The following RPS6KC1 variants were observed in gnomAD, a reference collection of about 807,000 sequenced individuals.
RPS6KC1 encodes the protein inactive ribosomal protein S6 kinase delta-1.
Under a neutral mutation model 103.8 loss-of-function variants are expected in RPS6KC1, and 54 were observed. That is an observed-to-expected ratio of 0.52 (90% CI 0.42 to 0.65). The LOEUF is 0.65. Ranked by LOEUF, RPS6KC1 falls within the 30% of genes least tolerant of loss-of-function variation. The pLI is 0.00. For synonymous variants in RPS6KC1, 439 were observed against 438.7 expected (o/e 1.00, Z -0.01); for missense variants, 1,151 against 1,253.8 (o/e 0.92, Z 1.24).
At chr1:213,653,323 G>A in the RPS6KC1 span, among the ~76,000 whole-genome samples, 2 of 152,118 alleles carry the variant, frequency 1.3e-5, no homozygotes, top group Non-Finnish European at 1.5e-5. Flanking sequence ...GCCAGATGTG[G>A]TGGCACGCAT....
chr1:213,376,966 A>G, the RPS6KC1 span, among the ~76,000 whole-genome samples: 2 of 152,168 alleles, frequency 1.3e-5, no homozygotes, highest in South Asian at 4.1e-4. Context: ...TGGCTTCTCA[A>G]TCTGTGTAAC....
chr1:213,530,250 A>G, the RPS6KC1 span, among the ~76,000 whole-genome samples: 97,389 of 151,958 alleles, frequency 0.64, 33,546 homozygotes, highest in East Asian at 0.98. Flanking sequence ...TAGGAAGCAG[A>G]CAGGATTTTG....
intron 4 of RPS6KC1, among the ~76,000 whole-genome samples, chr1:213,107,476 C>A (rs1460450143): frequency 6.6e-6 from 1 of 152,130 alleles, no homozygotes; most frequent in African/African-American, 2.4e-5. Context: ...TGTTATGTAT[C>A]AGCATTTTGT....
At chr1:213,812,530 T>C in the RPS6KC1 span, among the ~76,000 whole-genome samples, 1 of 152,246 alleles carries the variant, frequency 6.6e-6, no homozygotes, top group Non-Finnish European at 1.5e-5. Flanking sequence ...ATTTTTTTTC[T>C]TCATGTGGAA....
At chr1:213,626,194 T>G in the RPS6KC1 span, among the ~76,000 whole-genome samples, 1 of 152,244 alleles carries the variant, frequency 6.6e-6, no homozygotes. Context: ...TGAAGAGCAT[T>G]TTTTCATGTG....
chr1:213,464,790 TA>T, the RPS6KC1 span, among the ~76,000 whole-genome samples: 14 of 151,978 alleles, frequency 9.2e-5, no homozygotes, highest in African/African-American at 2.2e-4. Context: ...TTTTTTTTTT[TA>T]AATCAGAAAT....
At chr1:213,188,051 C>A (rs376048228) in intron 8 of RPS6KC1, among the ~76,000 whole-genome samples, 53 of 152,198 alleles carry the variant, frequency 3.5e-4, no homozygotes, top group East Asian at 3.3e-3. Context: ...GTCCATACCT[C>A]TTCTGCTGAG....
intron 6 of RPS6KC1, among the ~76,000 whole-genome samples, chr1:213,131,398 A>G (rs1197531427): frequency 6.6e-6 from 1 of 151,894 alleles, no homozygotes; most frequent in African/African-American, 2.4e-5. Context: ...GCTTTGATGG[A>G]AAGATCATTT....
intron 5 of RPS6KC1, among the ~76,000 whole-genome samples, chr1:213,127,606 C>A (rs527369679): frequency 1.3e-5 from 2 of 151,344 alleles, no homozygotes; most frequent in South Asian, 4.2e-4. Flanking sequence ...GTGTATTTGG[C>A]ACTTTTTTTC....
At chr1:213,695,469 T>C in the RPS6KC1 span, among the ~76,000 whole-genome samples, 1 of 152,066 alleles carries the variant, frequency 6.6e-6, no homozygotes, top group African/African-American at 2.4e-5. Flanking sequence ...CAGTAAGAAG[T>C]AGAGTCAGGT....
chr1:213,167,490 A>ACACACACACACACAC (rs58718923), intron 6 of RPS6KC1, among the ~76,000 whole-genome samples: 3 of 33,968 alleles, frequency 8.8e-5, no homozygotes, highest in South Asian at 8.4e-4. Flanking sequence ...ACACACACAC[A>ACACACACACACACAC]ACAGCTGTTG....
chr1:213,447,087 T>G, the RPS6KC1 span, among the ~76,000 whole-genome samples: 1 of 152,008 alleles, frequency 6.6e-6, no homozygotes, highest in Non-Finnish European at 1.5e-5. Flanking sequence ...TTTTTTTTTT[T>G]GACAGAGTCT....
chr1:213,675,664 C>G, the RPS6KC1 span, among the ~76,000 whole-genome samples: 150,838 of 152,280 alleles, frequency 0.99, 74,713 homozygotes, highest in Middle Eastern at 1. Context: ...ATCACCTGAG[C>G]TCAGGAGTTA....
At chr1:213,403,080 A>T in the RPS6KC1 span, among the ~76,000 whole-genome samples, 1 of 152,074 alleles carries the variant, frequency 6.6e-6, no homozygotes, top group African/African-American at 2.4e-5. Flanking sequence ...GTGAGCCAAG[A>T]TTGCACCACT....
intron 2 of RPS6KC1, among the ~76,000 whole-genome samples, chr1:213,075,480 T>G (rs1444188461): frequency 2.0e-5 from 3 of 152,226 alleles, no homozygotes; most frequent in Non-Finnish European, 4.4e-5. Flanking sequence ...ACTGATCTTT[T>G]AATCTACAAG....
the RPS6KC1 span, among the ~76,000 whole-genome samples, chr1:213,708,398 C>T: frequency 2.0e-5 from 3 of 152,120 alleles, no homozygotes. Flanking sequence ...TATCCTGAGA[C>T]TTTGCTGAAG....
At chr1:213,593,835 C>G in the RPS6KC1 span, among the ~76,000 whole-genome samples, 1 of 152,094 alleles carries the variant, frequency 6.6e-6, no homozygotes, top group African/African-American at 2.4e-5. Context: ...GTCAGTGTGA[C>G]TGAGGAACTG....
At chr1:213,593,251 A>C in the RPS6KC1 span, among the ~76,000 whole-genome samples, 1 of 144,230 alleles carries the variant, frequency 6.9e-6, no homozygotes, top group Non-Finnish European at 1.5e-5. Flanking sequence ...AAAAAAAAAA[A>C]CAACAGTAGG....
In RPS6KC1 at chr1:213,166,303, A is replaced by G. The variant is rs1468243543; in HGVS notation, c.836-1555A>G. ...TAATCTGAAATGAGAAGAGCTAATGACAATGGAAATAGCAGACTCCAGACA... is the reference window on the plus strand; with the variant it reads ...TAATCTGAAATGAGAAGAGCTAATGGCAATGGAAATAGCAGACTCCAGACA... On this transcript the variant is annotated intron_variant, in intron 6 of 14. Coordinates refer to ENST00000366960, the MANE Select transcript of RPS6KC1 (RefSeq NM_012424.6). Among the ~76,000 whole-genome samples the G allele has an allele frequency of 3.3e-5, 5 of 152,374 alleles. No homozygotes were observed. The East Asian group carries it at 9.6e-4, about 29-fold the overall frequency.
Sources: gnomAD v4.1 joint callset for allele counts (sites outside exome capture counted in the v4.1 genomes callset) on GRCh38, gnomAD v4.1.1 for gene constraint, MANE v1.5 for transcripts, NCBI Gene and HGNC (gene_info 2026-07-23, HGNC 2026-07-21) for gene names.